The following ARHGAP5 variants were observed in gnomAD, a reference collection of about 807,000 sequenced individuals.
ARHGAP5 encodes rho GTPase-activating protein 5.
A neutral mutation model predicts 116.6 loss-of-function variants in ARHGAP5; 23 were observed. The observed-to-expected ratio is 0.20, with a 90% CI of 0.14 to 0.28. The LOEUF (loss-of-function observed/expected upper bound fraction) is 0.28, where lower values mean the gene tolerates loss of function less well. ARHGAP5 is among the 10% of genes least tolerant of loss of function. ARHGAP5 has a pLI of 1.00. For synonymous variants in ARHGAP5, 574 were observed against 602.0 expected, an observed-to-expected ratio of 0.95 and a Z score of 0.68; for missense variants, 1,405 against 1,774.8, an observed-to-expected ratio of 0.79 and a Z score of 3.74.
Position 32,117,210 on chromosome 14 carries a change from C to A in ARHGAP5, c.3788C>A (p.Pro1263His). The A allele has an allele frequency of 2.5e-6, 4 of 1,611,998 alleles. No individual in the cohort carries two copies. The highest frequency in any genetic ancestry group is 4.5e-5 in the East Asian group (2 of 44,798). Residue 1263 changes from proline (P) to histidine (H), a missense_variant, in exon 3 of 7, where the codon CCC becomes CAC. Physicochemically the swap from Pro to His is moderately conservative, Grantham distance 77 (BLOSUM62 -2). Transcript: ENST00000345122. ...RNWESNYFGM[P>H]LQDLVTAEKP... ...TGGGAAAGTAATTACTTTGGGATGC[C>A]CCTCCAGGATCTGGTTACAGCTGAG...
chr14:32,112,991 C>T (rs960978839), intron 2 of ARHGAP5, among the ~76,000 whole-genome samples: 1 of 152,114 alleles, frequency 6.6e-6, no homozygotes, highest in Non-Finnish European at 1.5e-5. Flanking sequence ...CAATAAAATA[C>T]CATGCTACTA....
At position 32,155,126 on chromosome 14, in the gene ARHGAP5, G is replaced by A. The variant is rs1266866491; in HGVS notation, c.*178G>A. ...TTACATTACAAATCTAAGACCATGT[G>A]ATAAGCATGACTGGAGAGGTTTAAT... On this transcript the variant is annotated 3_prime_UTR_variant, in exon 7 of 7. Coordinates refer to ENST00000345122, the MANE Select transcript of ARHGAP5 (RefSeq NM_001030055.2). 8.1e-6 allele frequency: 5 copies of A among 616,918 alleles called. No individual in the cohort carries two copies. Among genetic ancestry groups the A allele is most frequent in the Non-Finnish European group, 1.4e-5 (5 of 366,412 alleles). The allele number at this position is 616,918 out of a possible 1,614,324, so 38.2% of individuals were successfully genotyped here. A position where few individuals can be genotyped will look rare whatever the true frequency, so the allele number is the denominator to read the frequency against.
intron 3 of ARHGAP5, among the ~76,000 whole-genome samples, chr14:32,141,887 T>C (rs544921558): frequency 1.3e-5 from 2 of 152,320 alleles, no homozygotes; most frequent in African/African-American, 4.8e-5. Context: ...GTTAATGTTA[T>C]TGAATATACC....
At position 32,152,523 on chromosome 14, in the gene ARHGAP5, A is replaced by G; in HGVS notation, c.4176A>G (p.Leu1392=). The G allele has an allele frequency of 6.5e-7, 1 of 1,538,866 alleles. No individual in the cohort carries two copies. The highest frequency in any genetic ancestry group is 8.8e-7 in the Non-Finnish European group (1 of 1,141,162). ...YDVFRYVITH[L]NRVSQQHKIN... is the part of the protein sequence containing the mutation. ...TATTCAGATACGTGATAACACATCT[A>G]AACAGGTATTTTTATTTTTTTAGGG... is the stretch of plus-strand genomic sequence containing the variant. The change falls in exon 6 of 7, where the codon CTA becomes CTG. Residue 1392 remains leucine (L), a synonymous_variant. Coordinates refer to ENST00000345122, the MANE Select transcript of ARHGAP5 (RefSeq NM_001030055.2).
At chr14:32,096,171 T>C (rs889394810) in intron 2 of ARHGAP5, among the ~76,000 whole-genome samples, 6 of 152,082 alleles carry the variant, frequency 3.9e-5, no homozygotes, top group Admixed American at 6.6e-5. Context: ...TGAGATTAAG[T>C]TGGAGATAGT....
chr14:32,115,112 C>G (rs1273996862), intron 2 of ARHGAP5, among the ~76,000 whole-genome samples: 2 of 152,164 alleles, frequency 1.3e-5, no homozygotes, highest in African/African-American at 2.4e-5. Flanking sequence ...TTCAGAAACT[C>G]TCAATGGGAT....
At chr14:32,112,498 T>C (rs1417398539) in intron 2 of ARHGAP5, among the ~76,000 whole-genome samples, 1 of 152,208 alleles carries the variant, frequency 6.6e-6, no homozygotes, top group Non-Finnish European at 1.5e-5. Flanking sequence ...AGATAAGAAA[T>C]TCACTTAAGT....
At chr14:32,103,464 C>T (rs1463920029) in intron 2 of ARHGAP5, among the ~76,000 whole-genome samples, 2 of 152,102 alleles carry the variant, frequency 1.3e-5, no homozygotes, top group Non-Finnish European at 2.9e-5. Context: ...TTTATAGCAG[C>T]GTACTGAATA....
intron 1 of ARHGAP5, among the ~76,000 whole-genome samples, chr14:32,078,529 A>T (rs1338005798): frequency 2.0e-5 from 3 of 151,732 alleles, no homozygotes; most frequent in Non-Finnish European, 4.4e-5. Context: ...AGGAAACTGA[A>T]TTTTTTTTTA....
intron 2 of ARHGAP5, among the ~76,000 whole-genome samples, chr14:32,107,099 C>A (rs1408890734): frequency 6.6e-6 from 1 of 152,132 alleles, no homozygotes. Context: ...TTATAACAGA[C>A]TATATGTTTC....
Position 32,159,431 on chromosome 14 carries a change from A to T in ARHGAP5, c.*4483A>T, listed in dbSNP as rs1313205347. ...TGTTTTAACCTATTTTTTTAAGTTT[A>T]TTTTTTGTATTAGATTTTATTTGAA... On this transcript the variant is annotated 3_prime_UTR_variant, in exon 7 of 7. Coordinates refer to ENST00000345122, the MANE Select transcript of ARHGAP5 (RefSeq NM_001030055.2). 1 of 151,962 alleles carries T rather than the reference A, an allele frequency of 6.6e-6. No homozygotes were observed. The highest frequency in any genetic ancestry group is 2.4e-5 in the African/African-American group (1 of 41,390). The allele number at this position is 151,962 out of a possible 1,614,324, so 9.4% of individuals were successfully genotyped here.
In ARHGAP5 at chr14:32,144,725, C is replaced by T. The variant is rs1046049517; in HGVS notation, c.3866-1538C>T. 1.1e-4 allele frequency among the ~76,000 whole-genome samples: 17 copies of T among 152,250 alleles called. No homozygotes were observed. In the East Asian group the frequency reaches 3.1e-3, roughly 28 times the overall value. ...TCTCAAACTCCTGACCTCAAGTGAT[C>T]CACCCACCTCAGCTTCCCAAAGTGC... On this transcript the variant is annotated intron_variant, in intron 3 of 6. Transcript: ENST00000345122.
In ARHGAP5 at chr14:32,159,163, C is replaced by T. The variant is rs565733869; in HGVS notation, c.*4215C>T. On this transcript the variant is annotated 3_prime_UTR_variant, in exon 7 of 7. Transcript: ENST00000345122. The stretch of plus-strand genomic sequence containing the variant: ...AATACTAAATGCATAAAATTATAAC[C>T]CTTGAAATTAATTTGGTGCTGGCAG... 5 of 151,990 alleles carry T rather than the reference C, an allele frequency of 3.3e-5. No homozygotes were observed. Among genetic ancestry groups the T allele is most frequent in the Admixed American group, 2.6e-4 (4 of 15,268 alleles). The allele number at this position is 151,990 out of a possible 1,614,324, so 9.4% of individuals were successfully genotyped here.
intron 1 of ARHGAP5, among the ~76,000 whole-genome samples, chr14:32,086,137 T>A (rs2041827415): frequency 6.6e-6 from 1 of 151,912 alleles, no homozygotes; most frequent in Non-Finnish European, 1.5e-5. Flanking sequence ...AGGTAAAGAG[T>A]TAGCAGTGGG....
intron 2 of ARHGAP5, among the ~76,000 whole-genome samples, chr14:32,106,309 C>G (rs758234904): frequency 1.3e-5 from 2 of 152,006 alleles, no homozygotes; most frequent in Non-Finnish European, 2.9e-5. Flanking sequence ...TTAGTAGAGA[C>G]GGGCTTTCAC....
chr14:32,150,583 G>A (rs1881595748), intron 5 of ARHGAP5, among the ~76,000 whole-genome samples: 1 of 152,108 alleles, frequency 6.6e-6, no homozygotes, highest in South Asian at 2.1e-4. Context: ...GACAAGAAGG[G>A]GGCTGAACTT....
Position 32,094,406 on chromosome 14 carries a change from A to G in ARHGAP5, c.3717+20A>G. 6.6e-7 allele frequency: 1 copy of G among 1,512,630 alleles called. No homozygotes were observed. The highest frequency in any genetic ancestry group is 8.9e-7 in the Non-Finnish European group (1 of 1,128,786). 93.7% of individuals were successfully genotyped at this position (1,512,630 alleles called of 1,614,324 possible). A position where few individuals can be genotyped will look rare whatever the true frequency, so the allele number is the denominator to read the frequency against. On this transcript the variant is annotated intron_variant, in intron 2 of 6. Transcript: ENST00000345122. ...AAAAAGGTAAGGTTAACTTAAGGTC[A>G]GTGATGTTTATAAAAATGCTTGTTG...
chr14:32,155,188 CTGCTG>C lies in ARHGAP5; in HGVS notation c.*241_*245del. ...AAAATAGCTATAAAGTACAAAGCTG[CTGCTG>C]CATGCAACCTTATTGCAATCAGTAT... On this transcript the variant is annotated 3_prime_UTR_variant, in exon 7 of 7. Coordinates refer to ENST00000345122, the MANE Select transcript of ARHGAP5 (RefSeq NM_001030055.2). The C allele has an allele frequency of 2.3e-6, 1 of 429,814 alleles. No individual in the cohort carries two copies. The highest frequency in any genetic ancestry group is 4.2e-6 in the Non-Finnish European group (1 of 240,490). 26.6% of individuals were successfully genotyped at this position (429,814 alleles called of 1,614,324 possible). A position where few individuals can be genotyped will look rare whatever the true frequency, so the allele number is the denominator to read the frequency against.
rs542195429 is a variant in ARHGAP5 at position 32,148,895 on chromosome 14, A to AT, written c.3944-1000dup. Among the ~76,000 whole-genome samples, 247 of 152,126 alleles carry AT rather than the reference A, an allele frequency of 1.6e-3. 1 individual carries two copies. Among genetic ancestry groups the AT allele is most frequent in the African/African-American group, 5.7e-3 (237 of 41,498 alleles). Reference sequence around the variant, plus strand: ...ACACCTTTAGTATGTTCCATTCTTGATTTTTTTAGTCGGAACTTCACCAAC... The same window carrying AT: ...ACACCTTTAGTATGTTCCATTCTTGATTTTTTTTAGTCGGAACTTCACCAAC... On this transcript the variant is annotated intron_variant, in intron 4 of 6. Coordinates refer to ENST00000345122, the MANE Select transcript of ARHGAP5 (RefSeq NM_001030055.2).
Sources: allele counts gnomAD v4.1 joint callset (sites outside exome capture counted in the v4.1 genomes callset), GRCh38; gene constraint gnomAD v4.1.1; transcripts MANE v1.5; gene names NCBI Gene and HGNC (gene_info 2026-07-23, HGNC 2026-07-21).